The following LTBR variants were observed in gnomAD, a reference collection of about 807,000 sequenced individuals.
LTBR encodes the protein lymphotoxin beta receptor.
Under a neutral mutation model 45.4 loss-of-function variants are expected in LTBR, and 15 were observed. That is an observed-to-expected ratio of 0.33 (90% CI 0.22 to 0.51). LTBR has a LOEUF of 0.51. LTBR is among the 20% of genes least tolerant of loss of function. LTBR has a pLI of 0.97. For missense variants in LTBR, 450 were observed against 565.5 expected (o/e 0.80, Z 2.07); for synonymous variants, 228 against 231.0 (o/e 0.99, Z 0.12).
chr12:6,375,313 C>G, upstream of LTBR: 1 of 1,439,090 alleles, frequency 6.9e-7, no homozygotes, highest in Non-Finnish European at 9.1e-7. Flanking sequence ...GCCTTGCCCC[C>G]TCTCACTCTA....
upstream of LTBR, among the ~76,000 whole-genome samples, chr12:6,379,989 A>G (rs113722188): frequency 0.016 from 2,413 of 151,756 alleles, 68 homozygotes; most frequent in African/African-American, 0.054. Flanking sequence ...CTAGAAGTTT[A>G]TCACTTTGAT....
rs542537099 is a variant in LTBR at position 6,390,736 on chromosome 12, G to C, written c.1107G>C (p.Leu369=). The change falls in exon 10 of 10, where the codon CTG becomes CTC. Residue 369 remains leucine (L), a synonymous_variant. Transcript: ENST00000228918. The stretch of plus-strand genomic sequence containing the variant: ...TCTACATCTACAATGGACCAGTACT[G>C]GGGGGACCACCGGGTCCTGGAGACC... The part of the protein sequence containing the change: ...GNIYIYNGPV[L]GGPPGPGDLP... 11 of 1,554,846 alleles carry C rather than the reference G, an allele frequency of 7.1e-6. No individual in the cohort carries two copies. Among genetic ancestry groups the C allele is most frequent in the African/African-American group, 4.1e-5 (3 of 73,010 alleles).
chr12:6,387,879 C>T, intron 6 of LTBR: 1 of 455,442 alleles, frequency 2.2e-6, no homozygotes, highest in South Asian at 1.6e-5. Context: ...GCAAGTTTCC[C>T]TACTCTCTCA....
At chr12:6,375,325 GC>G, upstream of LTBR, 1 of 1,438,878 alleles carries the variant, frequency 6.9e-7, no homozygotes, top group Non-Finnish European at 9.1e-7. Context: ...CTCACTCTAG[GC>G]CCTCAGCTCC....
upstream of LTBR, among the ~76,000 whole-genome samples, chr12:6,381,569 A>C (rs1948985272): frequency 1.3e-5 from 2 of 152,238 alleles, no homozygotes. Flanking sequence ...TGGCAGCAGA[A>C]AGAAACATAC....
chr12:6,389,980 A>C, intron 8 of LTBR, 132 bp from the exon 9 acceptor site: 1 of 679,434 alleles, frequency 1.5e-6, no homozygotes, highest in Non-Finnish European at 2.6e-6. Flanking sequence ...AGAGAGAGAG[A>C]AAGAGAGAGA....
At position 6,386,371 on chromosome 12, in the gene LTBR, G is replaced by A; in HGVS notation, c.594G>A (p.Glu198=). 2 of 1,613,932 alleles carry A rather than the reference G, an allele frequency of 1.2e-6. No homozygotes were observed. Among genetic ancestry groups the A allele is most frequent in the Non-Finnish European group, 1.7e-6 (2 of 1,179,988 alleles). The change falls in exon 6 of 10, where the codon GAG becomes GAA. Residue 198 remains glutamate (E), a synonymous_variant. Transcript: ENST00000228918. This position sits in a 1 kb window ranked among gnomAD's most constrained non-coding sequence, Gnocchi z 4.1. The part of the protein sequence containing the change: ...HTRCENQGLV[E]AAPGTAQSDT... ...GGTGTGAGAACCAAGGTCTGGTGGA[G>A]GCAGCTCCAGGCACTGCCCAGTCCG...
At chr12:6,376,547 G>A (rs747323925) in intron 1 of LTBR, among the ~76,000 whole-genome samples, 5 of 152,216 alleles carry the variant, frequency 3.3e-5, no homozygotes, top group Non-Finnish European at 5.9e-5. Context: ...CATGGCACAC[G>A]CCTAGACAGG....
In LTBR at chr12:6,386,437, G is replaced by T; in HGVS notation, c.660G>T (p.Glu220Asp). 6.2e-7 allele frequency: 1 copy of T among 1,609,758 alleles called. No homozygotes were observed. The highest frequency in any genetic ancestry group is 8.5e-7 in the Non-Finnish European group (1 of 1,178,726). The part of the protein sequence containing the change: ...CKNPLEPLPP[E>D]MSGTMLMLAV... Reference sequence around the variant, plus strand: ...ATCCATTAGAGCCACTGCCCCCAGAGATGTCAGGTGAGGGACCAGGGCTGA... The same window carrying T: ...ATCCATTAGAGCCACTGCCCCCAGATATGTCAGGTGAGGGACCAGGGCTGA... Residue 220 changes from glutamate (E) to aspartate (D), a missense_variant, in exon 6 of 10, where the codon GAG becomes GAT. Physicochemically the swap from Glu to Asp is conservative, Grantham distance 45. Coordinates refer to ENST00000228918, the MANE Select transcript of LTBR (RefSeq NM_002342.3). The surrounding 1 kb of genome is among the most constrained non-coding windows in gnomAD (Gnocchi z 4.1).
At chr12:6,377,217 T>G in intron 1 of LTBR, 2 of 1,535,804 alleles carry the variant, frequency 1.3e-6, no homozygotes, top group Non-Finnish European at 1.8e-6. Context: ...AAAGCCGGTG[T>G]CAACCAGGAT....
At position 6,388,122 on chromosome 12, in the gene LTBR, C is replaced by G. The variant is rs551484138; in HGVS notation, c.668-276C>G. 1.2e-3 allele frequency: 519 copies of G among 439,152 alleles called. 10 individuals carry two copies. The highest frequency in any genetic ancestry group is 0.011 in the South Asian group (507 of 47,220). 27.2% of individuals were successfully genotyped at this position (439,152 alleles called of 1,614,324 possible). On this transcript the variant is annotated intron_variant, in intron 6 of 9. Transcript: ENST00000228918. The surrounding 1 kb of genome is among the most constrained non-coding windows in gnomAD (Gnocchi z 4.3). ...AGCCTGCCCAATCCTGGTCTCTGAG[C>G]AGGAGGGCACCCACACCACCCCCAA...
At chr12:6,383,525 C>G (rs1949004200), upstream of LTBR, among the ~76,000 whole-genome samples, 1 of 152,148 alleles carries the variant, frequency 6.6e-6, no homozygotes, top group Non-Finnish European at 1.5e-5. Context: ...GGACTCCCCT[C>G]CGCATATCCT....
rs1420138646 is a variant in LTBR, at chr12:6,384,925, A to G, written c.194-97A>G. 3.3e-6 allele frequency: 5 copies of G among 1,510,238 alleles called. No individual in the cohort carries two copies. In the East Asian group the frequency reaches 6.8e-5, roughly 21 times the overall value. 93.6% of individuals were successfully genotyped at this position (1,510,238 alleles called of 1,614,324 possible). ...GCCACTGGCAGGATGATGGGGGGCC[A>G]GAGAGACCGAGGGAAAGGCCAGGGT... On this transcript the variant is annotated intron_variant, in intron 2 of 9. Coordinates refer to ENST00000228918, the MANE Select transcript of LTBR (RefSeq NM_002342.3).
chr12:6,378,366 C>T (rs1948941872), intron 1 of LTBR, among the ~76,000 whole-genome samples: 1 of 152,186 alleles, frequency 6.6e-6, no homozygotes, highest in Non-Finnish European at 1.5e-5. Context: ...TGGCTCACTG[C>T]AGCCTCCAAC....
Position 6,386,270 on chromosome 12 carries a change from C to A in LTBR, c.570-77C>A. The A allele has an allele frequency of 1.3e-6, 2 of 1,492,736 alleles. No individual in the cohort carries two copies. The allele number at this position is 1,492,736 out of a possible 1,614,324, so 92.5% of individuals were successfully genotyped here. ...ACGGACTCGACTCACCACTTTCAGC[C>A]TCCCCGCCTGCCCAGTGGAGTCGGG... is the stretch of plus-strand genomic sequence containing the variant. On this transcript the variant is annotated intron_variant, in intron 5 of 9. Coordinates refer to ENST00000228918, the MANE Select transcript of LTBR (RefSeq NM_002342.3). The surrounding 1 kb of genome is among the most constrained non-coding windows in gnomAD (Gnocchi z 4.1).
chr12:6,383,726 G>C (rs966189057), upstream of LTBR, among the ~76,000 whole-genome samples: 2 of 152,194 alleles, frequency 1.3e-5, no homozygotes, highest in Non-Finnish European at 2.9e-5. Context: ...CAGGACAACG[G>C]GGGAGGAACC....
Position 6,390,164 on chromosome 12 carries a change from C to A in LTBR, c.854C>A (p.Pro285Gln), listed in dbSNP as rs1949095495. ...AGCTGGGAGCCTCCGAAGGCCCATCCATACTTCCCTGACTTGGTACAGCCA... is the reference window on the plus strand; with the variant it reads ...AGCTGGGAGCCTCCGAAGGCCCATCAATACTTCCCTGACTTGGTACAGCCA... The part of the protein sequence containing the change: ...AGSWEPPKAH[P>Q]YFPDLVQPLL... The change falls in exon 9 of 10, where the codon CCA becomes CAA. Residue 285 changes from proline to glutamine, a missense_variant. Pro to Gln is a moderately conservative substitution (Grantham distance 76). Around this residue, in one of 3 missense-constraint regions of LTBR, gnomAD observed 367 missense variants for 435.4 expected, o/e 0.84. Transcript: ENST00000228918. 6.2e-7 allele frequency: 1 copy of A among 1,614,128 alleles called. No homozygotes were observed. Among genetic ancestry groups the A allele is most frequent in the Non-Finnish European group, 8.5e-7 (1 of 1,180,026 alleles).
At chr12:6,384,083 C>A (rs12827109), upstream of LTBR, 1 of 1,242,562 alleles carries the variant, frequency 8.0e-7, no homozygotes, top group Non-Finnish European at 1.0e-6. Context: ...AAGCCTGTTC[C>A]TCTTCCCTGG....
rs1482398505 is a variant in LTBR, at chr12:6,386,420, G to A, written c.643G>A (p.Glu215Lys). Residue 215 changes from glutamate (E) to lysine (K), a missense_variant, in exon 6 of 10, where the codon GAG becomes AAG. Physicochemically the swap from Glu to Lys is moderately conservative, Grantham distance 56. Coordinates refer to ENST00000228918, the MANE Select transcript of LTBR (RefSeq NM_002342.3). This position sits in a 1 kb window ranked among gnomAD's most constrained non-coding sequence, Gnocchi z 4.1. ...QSDTTCKNPL[E>K]PLPPEMSGTM... ...CGACACAACCTGCAAAAATCCATTA[G>A]AGCCACTGCCCCCAGAGATGTCAGG... The A allele has an allele frequency of 6.2e-7, 1 of 1,612,492 alleles. No homozygotes were observed. Among genetic ancestry groups the A allele is most frequent in the Admixed American group, 1.7e-5 (1 of 59,912 alleles).
Sources: allele counts gnomAD v4.1 joint callset (sites outside exome capture counted in the v4.1 genomes callset), GRCh38; gene constraint gnomAD v4.1.1; regional missense constraint gnomAD v4.1.1; non-coding constraint Gnocchi (gnomAD v3.1); transcripts MANE v1.5; gene names NCBI Gene and HGNC (gene_info 2026-07-23, HGNC 2026-07-21).